MACROD2: variants seen among roughly 807,000 people sequenced by gnomAD.
MACROD2 encodes the protein ADP-ribose glycohydrolase MACROD2.
In MACROD2, 36 loss-of-function variants were observed where a neutral mutation model predicts 70.4. That is an observed-to-expected ratio of 0.51 (90% CI 0.39 to 0.68). The LOEUF (loss-of-function observed/expected upper bound fraction) is 0.68. Ranked by LOEUF, MACROD2 falls within the 30% of genes least tolerant of loss-of-function variation. MACROD2 has a pLI of 0.00. For missense variants in MACROD2, 496 were observed against 538.4 expected (o/e 0.92, Z 0.78); for synonymous variants, 172 against 178.8 (o/e 0.96, Z 0.30).
intron 12 of MACROD2, among the ~76,000 whole-genome samples, chr20:15,964,090 C>T (rs2066103780): frequency 6.6e-6 from 1 of 152,034 alleles, no homozygotes; most frequent in African/African-American, 2.4e-5. Context: ...TGAACATTAC[C>T]AAATGATAAT....
At chr20:15,197,658 T>C (rs1221326513) in intron 5 of MACROD2, among the ~76,000 whole-genome samples, 2 of 152,168 alleles carry the variant, frequency 1.3e-5, no homozygotes, top group Non-Finnish European at 2.9e-5. Flanking sequence ...TGATATTTAC[T>C]TTTTCTGTGA....
At chr20:14,790,090 CTTCT>C (rs2072431172) in intron 5 of MACROD2, among the ~76,000 whole-genome samples, 2 of 151,906 alleles carry the variant, frequency 1.3e-5, no homozygotes, top group South Asian at 4.1e-4. Context: ...CCAAAATTAT[CTTCT>C]TTATTTCAAT....
chr20:15,021,121 C>CATGTGTATACACAT (rs368283801), intron 5 of MACROD2, among the ~76,000 whole-genome samples: 1 of 102,140 alleles, frequency 9.8e-6, no homozygotes, highest in African/African-American at 4.3e-5. Flanking sequence ...TGTGTATACA[C>CATGTGTATACACAT]GTGTGTATAC....
chr20:14,082,602 G>C (rs1286893652), intron 2 of MACROD2, among the ~76,000 whole-genome samples: 1 of 152,150 alleles, frequency 6.6e-6, no homozygotes, highest in African/African-American at 2.4e-5. Context: ...CTTACATAAT[G>C]CTTCATGAGA....
intron 6 of MACROD2, among the ~76,000 whole-genome samples, chr20:15,342,860 G>A (rs1376333460): frequency 6.6e-6 from 1 of 152,164 alleles, no homozygotes; most frequent in Non-Finnish European, 1.5e-5. Flanking sequence ...TTGAATCTGT[G>A]TGAAGAGCAG....
intron 3 of MACROD2, among the ~76,000 whole-genome samples, chr20:14,463,991 T>A (rs2084406053): frequency 6.6e-6 from 1 of 152,056 alleles, no homozygotes; most frequent in South Asian, 2.1e-4. Context: ...TGGTCTAAAA[T>A]TCTCTTTTTT....
intron 5 of MACROD2, among the ~76,000 whole-genome samples, chr20:14,767,622 C>T (rs1421539609): frequency 6.6e-6 from 1 of 151,822 alleles, no homozygotes; most frequent in Non-Finnish European, 1.5e-5. Flanking sequence ...CCATACTTGT[C>T]TAATTTACTT....
chr20:15,352,168 A>G (rs1380918297), intron 6 of MACROD2, among the ~76,000 whole-genome samples: 2 of 152,198 alleles, frequency 1.3e-5, no homozygotes. Context: ...CAGAACCAGA[A>G]GCCAAGGCTT....
At chr20:15,173,850 A>G (rs1287107724) in intron 5 of MACROD2, among the ~76,000 whole-genome samples, 2 of 152,178 alleles carry the variant, frequency 1.3e-5, no homozygotes, top group Non-Finnish European at 2.9e-5. Context: ...AACTCAAAGT[A>G]TAAGTTAATG....
At chr20:14,332,371 C>A (rs760354036) in intron 3 of MACROD2, among the ~76,000 whole-genome samples, 3 of 151,960 alleles carry the variant, frequency 2.0e-5, no homozygotes, top group African/African-American at 2.4e-5. Context: ...CAAGAGCTTG[C>A]GGCAATCTAC....
chr20:14,097,556 T>A (rs937703323), intron 3 of MACROD2, among the ~76,000 whole-genome samples: 2 of 152,202 alleles, frequency 1.3e-5, no homozygotes, highest in Admixed American at 6.5e-5. Flanking sequence ...TATAGAGGAC[T>A]TGGAGTCAGA....
chr20:15,595,154 A>G (rs1482858417), intron 8 of MACROD2, among the ~76,000 whole-genome samples: 2 of 152,228 alleles, frequency 1.3e-5, no homozygotes, highest in East Asian at 1.9e-4. Flanking sequence ...GTTAAGGGGT[A>G]CAGAGTTTTA....
At chr20:15,317,029 T>C (rs1403409978) in intron 6 of MACROD2, among the ~76,000 whole-genome samples, 1 of 151,950 alleles carries the variant, frequency 6.6e-6, no homozygotes, top group East Asian at 1.9e-4. Flanking sequence ...AAAACACACA[T>C]ACACAAACTT....
chr20:14,203,312 A>G (rs1294538606), intron 3 of MACROD2, among the ~76,000 whole-genome samples: 1 of 151,878 alleles, frequency 6.6e-6, no homozygotes, highest in Admixed American at 6.6e-5. Context: ...TCTTTGCATT[A>G]TTTATCTGTG....
intron 4 of MACROD2, among the ~76,000 whole-genome samples, chr20:14,653,887 G>A (rs1188982270): frequency 6.6e-6 from 1 of 152,134 alleles, no homozygotes; most frequent in Non-Finnish European, 1.5e-5. Flanking sequence ...GTTTTCCAGA[G>A]TTCCCCAGCA....
At chr20:14,980,278 G>C (rs769586437) in intron 5 of MACROD2, among the ~76,000 whole-genome samples, 4 of 152,204 alleles carry the variant, frequency 2.6e-5, no homozygotes, top group Admixed American at 6.5e-5. Context: ...AGATTAATGA[G>C]TTATCTCAGG....
intron 15 of MACROD2, among the ~76,000 whole-genome samples, chr20:16,033,753 G>T (rs778579544): frequency 9.2e-5 from 14 of 151,568 alleles, no homozygotes; most frequent in Non-Finnish European, 1.9e-4. Flanking sequence ...CTCTGCCTAA[G>T]TCTAGTGAGT....
chr20:14,704,808 G>A (rs543529057), intron 5 of MACROD2, among the ~76,000 whole-genome samples: 28 of 152,200 alleles, frequency 1.8e-4, no homozygotes, highest in African/African-American at 5.3e-4. Context: ...GATTATATGC[G>A]TGTTCTTTTT....
chr20:14,475,779 A>G (rs768769199), intron 3 of MACROD2, among the ~76,000 whole-genome samples: 1 of 151,916 alleles, frequency 6.6e-6, no homozygotes, highest in Non-Finnish European at 1.5e-5. Flanking sequence ...GAATTCCCTT[A>G]TATGTTATTT....
Sources: gnomAD v4.1 joint callset for allele counts (sites outside exome capture counted in the v4.1 genomes callset) on GRCh38, gnomAD v4.1.1 for gene constraint, MANE v1.5 for transcripts, NCBI Gene and HGNC (gene_info 2026-07-23, HGNC 2026-07-21) for gene names.